The following CYP1A2 variants were observed in gnomAD, a reference collection of about 807,000 sequenced individuals.
CYP1A2 encodes the protein cytochrome P450 1A2.
Under a neutral mutation model 34.7 loss-of-function variants are expected in CYP1A2, and 35 were observed. The ratio of observed to expected loss-of-function variants is 1.01; its 90% confidence interval spans 0.77 to 1.34. CYP1A2 has a LOEUF of 1.34. CYP1A2 is among the 40% of genes most tolerant of loss of function. CYP1A2 has a pLI of 0.00. For missense variants in CYP1A2, 675 were observed against 675.8 expected, an observed-to-expected ratio of 1.00 and a Z score of 0.01; for synonymous variants, 288 against 281.9, an observed-to-expected ratio of 1.02 and a Z score of -0.22.
chr15:74,751,471 C>G (rs771715636), intron 3 of CYP1A2, among the ~76,000 whole-genome samples, 162 bp downstream of exon 3: 17 of 152,330 alleles, frequency 1.1e-4, no homozygotes, highest in Middle Eastern at 3.4e-3. Context: ...GCTATGCCAC[C>G]AATTCCCAGT....
chr15:74,753,798 T>C (rs988383505), intron 6 of CYP1A2, among the ~76,000 whole-genome samples: 16 of 151,730 alleles, frequency 1.1e-4, no homozygotes, highest in African/African-American at 3.9e-4. Context: ...AGGATTCTAC[T>C]GTGGTATCTA....
intron 3 of CYP1A2, 93 bp downstream of exon 3, chr15:74,751,402 C>A (rs2063315015): frequency 2.6e-6 from 4 of 1,534,204 alleles, no homozygotes; most frequent in Non-Finnish European, 3.6e-6. Context: ...AACCCACCAA[C>A]CCTACACCAG....
chr15:74,752,677 A>G (rs2063321490), intron 5 of CYP1A2, among the ~76,000 whole-genome samples: 1 of 152,116 alleles, frequency 6.6e-6, no homozygotes. Context: ...TCCAGCTGGC[A>G]CAGCTTCATT....
chr15:74,752,724 G>C (rs1322529612), intron 5 of CYP1A2, among the ~76,000 whole-genome samples: 4 of 152,102 alleles, frequency 2.6e-5, no homozygotes, highest in Non-Finnish European at 5.9e-5. Flanking sequence ...ATCAGCCCTT[G>C]ATCATGCCCT....
intron 5 of CYP1A2, among the ~76,000 whole-genome samples, chr15:74,752,870 C>CT (rs4646426): frequency 0.094 from 9,026 of 96,066 alleles, 868 homozygotes; most frequent in South Asian, 0.25. Context: ...CTGCCTGCTG[C>CT]TTTTTTTTTT....
intron 3 of CYP1A2, 135 bp from the exon 4 acceptor site, chr15:74,751,630 C>G: frequency 1.1e-6 from 1 of 900,592 alleles, no homozygotes; most frequent in Non-Finnish European, 1.7e-6. Context: ...AGAGACCCAG[C>G]CTCTGTCTTC....
At position 74,755,336 on chromosome 15, in the gene CYP1A2, G is replaced by A; in HGVS notation, c.*248G>A. 1 of 322,436 alleles carries A rather than the reference G, an allele frequency of 3.1e-6. No homozygotes were observed. 20.0% of individuals were successfully genotyped at this position (322,436 alleles called of 1,614,324 possible). Reference sequence around the variant, plus strand: ...ATTTGCCAAGAGCCTGAGTGACAGAGCAAGACCCCATCTCAAAAAAAAAAA... The same window carrying A: ...ATTTGCCAAGAGCCTGAGTGACAGAACAAGACCCCATCTCAAAAAAAAAAA... On this transcript the variant is annotated 3_prime_UTR_variant, in exon 7 of 7. Coordinates refer to ENST00000343932, the MANE Select transcript of CYP1A2 (RefSeq NM_000761.5).
rs1389844093 is a variant in CYP1A2 at position 74,755,365 on chromosome 15, AC to A, written c.*278del. ...GACCCCATCTCAAAAAAAAAAACAA[AC>A]AAACAAAAAAAAAACCATATATATA... On this transcript the variant is annotated 3_prime_UTR_variant, in exon 7 of 7. Coordinates refer to ENST00000343932, the MANE Select transcript of CYP1A2 (RefSeq NM_000761.5). The A allele has an allele frequency of 3.3e-5, 9 of 272,612 alleles. No homozygotes were observed. Among genetic ancestry groups the A allele is most frequent in the African/African-American group, 1.7e-4 (7 of 40,468 alleles). The allele number at this position is 272,612 out of a possible 1,614,324, so 16.9% of individuals were successfully genotyped here.
Position 74,750,440 on chromosome 15 carries a change from C to A in CYP1A2, c.702C>A (p.Asn234Lys), listed in dbSNP as rs1358653797. The A allele has an allele frequency of 2.5e-6, 4 of 1,614,088 alleles. No homozygotes were observed. The highest frequency in any genetic ancestry group is 4.5e-5 in the East Asian group (2 of 44,896). The change falls in exon 2 of 7, where the codon AAC (asparagine) becomes AAA (lysine). Residue 234 changes from asparagine to lysine, a missense_variant. Physicochemically the swap from Asn to Lys is moderately conservative, Grantham distance 94. Transcript: ENST00000343932. Reference sequence around the variant, plus strand: ...TCGTGGAGACTGCCTCCTCCGGGAACCCCCTGGACTTCTTCCCCATCCTTC... The same window carrying A: ...TCGTGGAGACTGCCTCCTCCGGGAAACCCCTGGACTTCTTCCCCATCCTTC... The part of the protein sequence containing the change: ...HEFVETASSG[N>K]PLDFFPILRY...
At chr15:74,753,087 T>G (rs1009255509) in intron 5 of CYP1A2, 97 bp from the exon 6 acceptor site, 11 of 834,384 alleles carry the variant, frequency 1.3e-5, no homozygotes, top group Non-Finnish European at 2.2e-5. Context: ...GGGATGGAGA[T>G]GGCGGTGGGC....
At chr15:74,754,601 CAA>C (rs879367778) in intron 6 of CYP1A2, among the ~76,000 whole-genome samples, 188 bp from the exon 7 acceptor site, 3 of 128,274 alleles carry the variant, frequency 2.3e-5, no homozygotes, top group Non-Finnish European at 1.7e-5. Flanking sequence ...GAGGGTGTCT[CAA>C]AAAAAAAAAA....
At chr15:74,754,697 C>T (rs2063330019) in intron 6 of CYP1A2, 94 bp from the exon 7 acceptor site, 2 of 1,259,636 alleles carry the variant, frequency 1.6e-6, no homozygotes, top group South Asian at 1.4e-5. Context: ...AGTGCCCTCA[C>T]ACTTGTGTTC....
chr15:74,754,870 A>G lies in CYP1A2; in HGVS notation c.1333A>G (p.Ser445Gly). The part of the protein sequence containing the change: ...ADGTAINKPL[S>G]EKMMLFGMGK... The stretch of plus-strand genomic sequence containing the variant: ...TGGCACTGCCATTAACAAGCCCTTG[A>G]GTGAGAAGATGATGCTGTTTGGCAT... Residue 445 changes from serine to glycine, a missense_variant, in exon 7 of 7, where the codon AGT becomes GGT. By Grantham distance (56) the Ser-to-Gly change is moderately conservative. Transcript: ENST00000343932. The G allele has an allele frequency of 6.2e-7, 1 of 1,614,176 alleles. No homozygotes were observed. Among genetic ancestry groups the G allele is most frequent in the South Asian group, 1.1e-5 (1 of 91,080 alleles).
chr15:74,751,921 C>T, intron 4 of CYP1A2, 67 bp downstream of exon 4: 1 of 1,566,778 alleles, frequency 6.4e-7, no homozygotes, highest in East Asian at 2.2e-5. Flanking sequence ...GTTCAGTCTA[C>T]AAACACCTGT....
chr15:74,754,700 T>A (rs1431492976), intron 6 of CYP1A2, 91 bp from the exon 7 acceptor site: 1 of 1,313,386 alleles, frequency 7.6e-7, no homozygotes. Context: ...GCCCTCACAC[T>A]TGTGTTCTCA....
Position 74,751,846 on chromosome 15 carries a change from A to AGGAGCTGGGTACATGGG in CYP1A2, c.1037_1042+11dup. 6.2e-7 allele frequency: 1 copy of AGGAGCTGGGTACATGGG among 1,614,154 alleles called. No individual in the cohort carries two copies. The highest frequency in any genetic ancestry group is 8.5e-7 in the Non-Finnish European group (1 of 1,180,016). On this transcript the variant is annotated frameshift_variant, in exon 4 of 7. Coordinates refer to ENST00000343932, the MANE Select transcript of CYP1A2 (RefSeq NM_000761.5). LOFTEE classifies it high-confidence loss of function. The stretch of plus-strand genomic sequence containing the variant: ...CCTGAGATACAGAGGAAGATCCAGA[A>AGGAGCTGGGTACATGGG]GGAGCTGGGTACATGGGGGCCCCCA...
intron 5 of CYP1A2, among the ~76,000 whole-genome samples, chr15:74,752,553 G>A (rs1359983730): frequency 2.6e-5 from 4 of 151,988 alleles, no homozygotes; most frequent in African/African-American, 9.7e-5. Flanking sequence ...TCTTGCTAAC[G>A]CTGAACCTTC....
intron 6 of CYP1A2, among the ~76,000 whole-genome samples, chr15:74,754,417 C>T (rs1202167041): frequency 6.9e-6 from 1 of 144,908 alleles, no homozygotes; most frequent in Non-Finnish European, 1.5e-5. Context: ...CCAGTGAAAC[C>T]CCGTCTCTGC....
At position 74,755,217 on chromosome 15, in the gene CYP1A2, C is replaced by T; in HGVS notation, c.*129C>T. 2.8e-6 allele frequency: 3 copies of T among 1,072,230 alleles called. No homozygotes were observed. The highest frequency in any genetic ancestry group is 3.9e-6 in the Non-Finnish European group (3 of 767,020). The allele number at this position is 1,072,230 out of a possible 1,614,324, so 66.4% of individuals were successfully genotyped here. A position where few individuals can be genotyped will look rare whatever the true frequency, so the allele number is the denominator to read the frequency against. ...CCAAGTGCAGGGCCTGTAATCCCAG[C>T]ATTTTAGGAGGCCAAGGTTGGAGGA... On this transcript the variant is annotated 3_prime_UTR_variant, in exon 7 of 7. Coordinates refer to ENST00000343932, the MANE Select transcript of CYP1A2 (RefSeq NM_000761.5).
Sources: gnomAD v4.1 joint callset for allele counts (sites outside exome capture counted in the v4.1 genomes callset) on GRCh38, gnomAD v4.1.1 for gene constraint, MANE v1.5 for transcripts, NCBI Gene and HGNC (gene_info 2026-07-23, HGNC 2026-07-21) for gene names.